Variants in ERC2 observed in about 807,000 individuals in gnomAD.
ERC2 encodes the protein ELKS/RAB6-interacting/CAST family member 2, also known as ERC protein 2.
ERC2 carries 42 observed loss-of-function variants against 114.8 expected under a neutral mutation model. The observed-to-expected ratio is 0.37, with a 90% CI of 0.29 to 0.47. The LOEUF is 0.47. Ranked by LOEUF, ERC2 falls within the 20% of genes least tolerant of loss-of-function variation. ERC2 has a pLI of 0.99. For synonymous variants in ERC2, 454 were observed against 425.5 expected (o/e 1.07, Z -0.82); for missense variants, 939 against 1,150.7 (o/e 0.82, Z 2.66).
rs146616934 is a variant in ERC2, at chr3:56,253,742, A to G, written c.1074+42277T>C. Among the ~76,000 whole-genome samples, 4 of 152,294 alleles carry G rather than the reference A, an allele frequency of 2.6e-5. No individual in the cohort carries two copies. In the East Asian group the frequency reaches 7.7e-4, roughly 29 times the overall value. ...AGAAGCCTCTCCCTATATATGAGATACAAATGCTAAAGACTCCCCAGGTCT... is the reference window on the plus strand; with the variant it reads ...AGAAGCCTCTCCCTATATATGAGATGCAAATGCTAAAGACTCCCCAGGTCT... On this transcript the variant is annotated intron_variant, in intron 3 of 17. Coordinates refer to ENST00000288221, the MANE Select transcript of ERC2 (RefSeq NM_015576.3).
intron 14 of ERC2, among the ~76,000 whole-genome samples, chr3:55,752,611 CT>C (rs546232009): frequency 9.2e-5 from 14 of 152,238 alleles, no homozygotes; most frequent in African/African-American, 3.1e-4. Context: ...ATTCTAAGTC[CT>C]TTATGTGTAC....
intron 17 of ERC2, among the ~76,000 whole-genome samples, chr3:55,644,774 G>T (rs1283202869): frequency 6.6e-6 from 1 of 151,716 alleles, no homozygotes; most frequent in Non-Finnish European, 1.5e-5. Context: ...TATCAAGAGG[G>T]TATGTGAATC....
At chr3:55,926,118 A>C (rs1245449840) in intron 13 of ERC2, among the ~76,000 whole-genome samples, 1 of 152,216 alleles carries the variant, frequency 6.6e-6, no homozygotes, top group Non-Finnish European at 1.5e-5. Context: ...AATATTTTCA[A>C]GTTGTCTTAA....
At chr3:55,929,556 A>T (rs942030912) in intron 13 of ERC2, among the ~76,000 whole-genome samples, 7 of 152,372 alleles carry the variant, frequency 4.6e-5, no homozygotes, top group African/African-American at 1.7e-4. Flanking sequence ...AAAGTGGACA[A>T]AGCTAAGTTA....
At chr3:56,074,629 C>T (rs540713780) in intron 7 of ERC2, among the ~76,000 whole-genome samples, 10 of 152,210 alleles carry the variant, frequency 6.6e-5, no homozygotes, top group Non-Finnish European at 1.0e-4. Context: ...GGAAGAGTGG[C>T]GAAACACCCT....
chr3:55,667,140 A>G (rs2061387207), intron 17 of ERC2, among the ~76,000 whole-genome samples: 1 of 152,208 alleles, frequency 6.6e-6, no homozygotes, highest in South Asian at 2.1e-4. Flanking sequence ...AGATAATATA[A>G]CAGCTAAAAC....
intron 7 of ERC2, among the ~76,000 whole-genome samples, chr3:56,077,656 A>G (rs73091049): frequency 0.012 from 1,770 of 152,332 alleles, 13 homozygotes; most frequent in Middle Eastern, 0.017. Context: ...CTTCTGACAA[A>G]ATGAACAAGT....
intron 16 of ERC2, among the ~76,000 whole-genome samples, chr3:55,690,296 T>G (rs1172136060): frequency 4.6e-5 from 7 of 152,106 alleles, no homozygotes; most frequent in African/African-American, 9.7e-5. Flanking sequence ...TGGAGTGTTG[T>G]AAGTCAAACA....
intron 3 of ERC2, among the ~76,000 whole-genome samples, chr3:56,209,536 C>A (rs1235302422): frequency 6.6e-6 from 1 of 152,166 alleles, no homozygotes; most frequent in Non-Finnish European, 1.5e-5. Flanking sequence ...CCATGCCCAG[C>A]ACACTGAGGC....
At chr3:56,062,133 T>C (rs2149708754) in intron 7 of ERC2, among the ~76,000 whole-genome samples, 1 of 152,346 alleles carries the variant, frequency 6.6e-6, no homozygotes, top group South Asian at 2.1e-4. Flanking sequence ...CCTAATTTGA[T>C]TTTTAAGAAT....
chr3:55,755,225 A>G (rs1190729786), intron 14 of ERC2, among the ~76,000 whole-genome samples: 1 of 152,166 alleles, frequency 6.6e-6, no homozygotes, highest in African/African-American at 2.4e-5. Context: ...CCTAGAAGAA[A>G]CCACAGTAAT....
At chr3:56,078,076 A>T (rs1324495121) in intron 7 of ERC2, among the ~76,000 whole-genome samples, 1 of 152,190 alleles carries the variant, frequency 6.6e-6, no homozygotes, top group Non-Finnish European at 1.5e-5. Flanking sequence ...AGGCTACTAT[A>T]ACCATCTCTC....
chr3:55,749,756 T>C (rs1240178252), intron 14 of ERC2, among the ~76,000 whole-genome samples: 2 of 152,158 alleles, frequency 1.3e-5, no homozygotes, highest in African/African-American at 4.8e-5. Flanking sequence ...GGCAACCCAC[T>C]TGGGTCCCCT....
In ERC2 at chr3:56,149,121, G is replaced by T. The variant is rs755705170; in HGVS notation, c.1161C>A (p.Ile387=). The part of the protein sequence containing the change: ...QTVIEMKDTK[I]ASLERNIRDL... ...CCCTTATGTTTCGTTCCAATGAAGCGATTTTTGTGTCCTGTTGGTAAAGAA... is the reference window on the plus strand; with the variant it reads ...CCCTTATGTTTCGTTCCAATGAAGCTATTTTTGTGTCCTGTTGGTAAAGAA... The change falls in exon 5 of 18, where the codon ATC becomes ATA. Residue 387 remains isoleucine, a synonymous_variant. Transcript: ENST00000288221. The T allele has an allele frequency of 2.5e-6, 4 of 1,606,208 alleles. No homozygotes were observed. The highest frequency in any genetic ancestry group is 2.6e-6 in the Non-Finnish European group (3 of 1,176,432).
chr3:56,410,736 A>G (rs2060910952), intron 2 of ERC2, among the ~76,000 whole-genome samples: 1 of 152,078 alleles, frequency 6.6e-6, no homozygotes. Context: ...TCACTGCAGT[A>G]GAGGCAAGTT....
chr3:56,018,654 T>G (rs920294982), intron 8 of ERC2, among the ~76,000 whole-genome samples: 3 of 152,046 alleles, frequency 2.0e-5, no homozygotes, highest in African/African-American at 7.2e-5. Flanking sequence ...GGCAAGCTAG[T>G]GAAGGTTTTT....
rs577043604 is a variant in ERC2 at position 55,614,480 on chromosome 3, A to G, written c.*39+69314T>C. On this transcript the variant is annotated intron_variant, in intron 17 of 17. Transcript: ENST00000288221. Reference sequence around the variant, plus strand: ...CTTTGAGCTGTTCTCCTTCCTTCATATGAAAAACTGTCTACAGGTATGGTA... The same window carrying G: ...CTTTGAGCTGTTCTCCTTCCTTCATGTGAAAAACTGTCTACAGGTATGGTA... Among the ~76,000 whole-genome samples, 9 of 152,234 alleles carry G rather than the reference A, an allele frequency of 5.9e-5. 2 individuals carry two copies. The highest frequency in any genetic ancestry group is 2.2e-4 in the African/African-American group (9 of 41,532).
At chr3:56,378,413 G>A (rs1468965489) in intron 2 of ERC2, among the ~76,000 whole-genome samples, 1 of 115,968 alleles carries the variant, frequency 8.6e-6, no homozygotes, top group African/African-American at 3.3e-5. Flanking sequence ...ACACTCTGGG[G>A]ACTGTTGTGG....
intron 13 of ERC2, among the ~76,000 whole-genome samples, chr3:55,947,018 C>T (rs566609746): frequency 9.3e-4 from 142 of 152,270 alleles, no homozygotes; most frequent in African/African-American, 3.3e-3. Flanking sequence ...CAGCAGAGGC[C>T]GCAAGCCAAT....
Sources: gnomAD v4.1 joint callset for allele counts (sites outside exome capture counted in the v4.1 genomes callset) on GRCh38, gnomAD v4.1.1 for gene constraint, MANE v1.5 for transcripts, NCBI Gene and HGNC (gene_info 2026-07-23, HGNC 2026-07-21) for gene names.